CYP2C19: variants seen among roughly 807,000 people sequenced by gnomAD.
CYP2C19 encodes the protein cytochrome P450 2C19.
Under a neutral mutation model 40.9 loss-of-function variants are expected in CYP2C19, and 59 were observed. The ratio of observed to expected loss-of-function variants is 1.44; its 90% confidence interval spans 1.17 to 1.79. The LOEUF is 1.79. CYP2C19 is among the 40% of genes most tolerant of loss of function. The pLI is 0.00. For synonymous variants in CYP2C19, 253 were observed against 208.7 expected, an observed-to-expected ratio of 1.21 and a Z score of -1.83; for missense variants, 754 against 596.9, an observed-to-expected ratio of 1.26 and a Z score of -2.74.
intron 6 of CYP2C19, among the ~76,000 whole-genome samples, chr10:94,823,343 G>A (rs1849159095): frequency 6.6e-6 from 1 of 152,132 alleles, no homozygotes; most frequent in Non-Finnish European, 1.5e-5. Flanking sequence ...CATACTCAGG[G>A]ACAAAGGGCA....
chr10:94,821,680 T>C (rs1279689773), intron 6 of CYP2C19, among the ~76,000 whole-genome samples: 1 of 152,176 alleles, frequency 6.6e-6, no homozygotes, highest in Admixed American at 6.5e-5. Context: ...TAATAAATAT[T>C]CTTTTTTCCC....
chr10:94,781,246 C>T (rs1297953185), intron 4 of CYP2C19, among the ~76,000 whole-genome samples: 1 of 152,040 alleles, frequency 6.6e-6, no homozygotes, highest in Non-Finnish European at 1.5e-5. Context: ...CACACTTTTA[C>T]CCTGTGCTGA....
chr10:94,811,231 C>T lies in CYP2C19; in HGVS notation c.820-9265C>T, dbSNP rs141812280. On this transcript the variant is annotated intron_variant, in intron 5 of 8. Transcript: ENST00000371321. The stretch of plus-strand genomic sequence containing the variant: ...AATCCCGAGTTTTAATTTGATGGCA[C>T]TGTGGTCTAATAGGTTGTTTGCTTT... Among the ~76,000 whole-genome samples, 343 of 152,296 alleles carry T rather than the reference C, an allele frequency of 2.3e-3. 1 individual carries two copies. The highest frequency in any genetic ancestry group is 7.6e-3 in the African/African-American group (317 of 41,552).
rs768672419 is a variant in CYP2C19 at position 94,782,012 on chromosome 10, A to G, written c.819+15A>G. ...AAATGGAGAAGGTAAAATGTTAACAAAAGCTTAGTTATGTGACTGCTTGCG... is the reference window on the plus strand; with the variant it reads ...AAATGGAGAAGGTAAAATGTTAACAGAAGCTTAGTTATGTGACTGCTTGCG... On this transcript the variant is annotated intron_variant, in intron 5 of 8. Transcript: ENST00000371321. 3 of 1,532,050 alleles carry G rather than the reference A, an allele frequency of 2.0e-6. No homozygotes were observed. The highest frequency in any genetic ancestry group is 2.7e-5 in the South Asian group (2 of 74,510). The allele number at this position is 1,532,050 out of a possible 1,614,324, so 94.9% of individuals were successfully genotyped here.
chr10:94,839,093 A>G (rs1849449765), intron 6 of CYP2C19, among the ~76,000 whole-genome samples: 1 of 152,204 alleles, frequency 6.6e-6, no homozygotes, highest in Non-Finnish European at 1.5e-5. Context: ...CATAAGTCCT[A>G]GAGCATCCTC....
chr10:94,841,480 A>G (rs1849494294), intron 6 of CYP2C19, among the ~76,000 whole-genome samples: 1 of 152,180 alleles, frequency 6.6e-6, no homozygotes, highest in Non-Finnish European at 1.5e-5. Flanking sequence ...AAGATTTAAT[A>G]GAGTGAAAAC....
chr10:94,780,492 C>A lies in CYP2C19; in HGVS notation c.482-7C>A. On this transcript the variant is annotated splice_polypyrimidine_tract_variant and splice_region_variant and intron_variant, in intron 3 of 8. Coordinates refer to ENST00000371321, the MANE Select transcript of CYP2C19 (RefSeq NM_000769.4). The stretch of plus-strand genomic sequence containing the variant: ...CTCATATTTTAAAATTGTTTCCAAT[C>A]ATTTAGCTTCACCCTGTGATCCCAC... 6.2e-7 allele frequency: 1 copy of A among 1,612,860 alleles called. No homozygotes were observed. Among genetic ancestry groups the A allele is most frequent in the Admixed American group, 1.7e-5 (1 of 59,984 alleles).
chr10:94,780,997 A>G (rs958367455), intron 4 of CYP2C19, among the ~76,000 whole-genome samples: 13 of 152,110 alleles, frequency 8.5e-5, no homozygotes, highest in Non-Finnish European at 1.3e-4. Context: ...GGAGTCTTCC[A>G]TTACTCACAA....
chr10:94,843,102 A>G (rs966084191), intron 7 of CYP2C19, 78 bp downstream of exon 7: 1 of 1,543,900 alleles, frequency 6.5e-7, no homozygotes, highest in Middle Eastern at 1.7e-4. Flanking sequence ...ACCCTCTACC[A>G]TCACTGGGTG....
At chr10:94,828,354 G>T (rs1849266143) in intron 6 of CYP2C19, among the ~76,000 whole-genome samples, 1 of 151,472 alleles carries the variant, frequency 6.6e-6, no homozygotes, top group African/African-American at 2.4e-5. Context: ...CTCCTGTATT[G>T]GGTGCATATA....
intron 5 of CYP2C19, among the ~76,000 whole-genome samples, chr10:94,788,924 C>G (rs1283840916): frequency 2.0e-5 from 3 of 152,176 alleles, no homozygotes; most frequent in African/African-American, 7.2e-5. Flanking sequence ...AATTGCCACA[C>G]TGCCTTCCAC....
intron 5 of CYP2C19, among the ~76,000 whole-genome samples, chr10:94,803,706 G>C (rs1387062429): frequency 6.6e-6 from 1 of 152,212 alleles, no homozygotes; most frequent in South Asian, 2.1e-4. Flanking sequence ...CTCTGCAGGG[G>C]TAAGGGAGGG....
Position 94,852,946 on chromosome 10 carries a change from T to C in CYP2C19, c.*32T>C. 6.2e-7 allele frequency: 1 copy of C among 1,611,020 alleles called. No individual in the cohort carries two copies. Among genetic ancestry groups the C allele is most frequent in the Non-Finnish European group, 8.5e-7 (1 of 1,177,570 alleles). On this transcript the variant is annotated 3_prime_UTR_variant, in exon 9 of 9. Coordinates refer to ENST00000371321, the MANE Select transcript of CYP2C19 (RefSeq NM_000769.4). ...ACAGATGGTCTGGCTGCTCCTGTGC[T>C]GTCCCTGCAGCTCTCTTTCCTCTGG...
rs1308351894 is a variant in CYP2C19, at chr10:94,820,498, AAAGC to A, written c.825_828del (p.Gln276ThrfsTer12). The A allele has an allele frequency of 6.2e-7, 1 of 1,614,174 alleles. No individual in the cohort carries two copies. Among genetic ancestry groups the A allele is most frequent in the Middle Eastern group, 1.6e-4 (1 of 6,062 alleles). On this transcript the variant is annotated frameshift_variant, in exon 6 of 9. Coordinates refer to ENST00000371321, the MANE Select transcript of CYP2C19 (RefSeq NM_000769.4). LOFTEE classifies it high-confidence loss of function. ...TAATTGCATCAAATCATTCCTAGGA[AAAGC>A]AAAACCAACAGTCTGAATTCACTAT... is the stretch of plus-strand genomic sequence containing the variant.
rs555356783 is a variant in CYP2C19, at chr10:94,826,975, C to T, written c.961+6338C>T. ...ATGCTGGATTACATTTATTGATTTG[C>T]GTATATTGAACCAGCCTTGCATCCC... On this transcript the variant is annotated intron_variant, in intron 6 of 8. Coordinates refer to ENST00000371321, the MANE Select transcript of CYP2C19 (RefSeq NM_000769.4). 9.6e-3 allele frequency among the ~76,000 whole-genome samples: 1,459 copies of T among 152,102 alleles called. 13 individuals carry two copies. The highest frequency in any genetic ancestry group is 0.017 in the Non-Finnish European group (1,152 of 68,014).
chr10:94,830,139 C>T (rs1036447977), intron 6 of CYP2C19, among the ~76,000 whole-genome samples: 1 of 152,222 alleles, frequency 6.6e-6, no homozygotes, highest in Non-Finnish European at 1.5e-5. Context: ...AGAGGTGGAG[C>T]CTACAGAGGC....
chr10:94,818,908 C>T (rs1368566265), intron 5 of CYP2C19, among the ~76,000 whole-genome samples: 3 of 152,122 alleles, frequency 2.0e-5, no homozygotes, highest in South Asian at 4.2e-4. Context: ...ATTGCCCTGG[C>T]CAGAACTTCC....
intron 1 of CYP2C19, among the ~76,000 whole-genome samples, chr10:94,769,929 G>C (rs1848303295): frequency 6.6e-6 from 1 of 152,166 alleles, no homozygotes; most frequent in Non-Finnish European, 1.5e-5. Context: ...TAATAAGGGT[G>C]TGGGACTTTC....
intron 7 of CYP2C19, among the ~76,000 whole-genome samples, chr10:94,848,638 A>G (rs1849607587): frequency 6.6e-6 from 1 of 152,140 alleles, no homozygotes; most frequent in East Asian, 1.9e-4. Flanking sequence ...CTTGATGGGG[A>G]TGGCATTGAA....
Sources: gnomAD v4.1 joint callset for allele counts (sites outside exome capture counted in the v4.1 genomes callset) on GRCh38, gnomAD v4.1.1 for gene constraint, MANE v1.5 for transcripts, NCBI Gene and HGNC (gene_info 2026-07-23, HGNC 2026-07-21) for gene names.